The following AGMO variants were observed in gnomAD, a reference collection of about 807,000 sequenced individuals.
AGMO encodes alkylglycerol monooxygenase, also known as glyceryl-ether monooxygenase.
A neutral mutation model predicts 60.2 loss-of-function variants in AGMO; 75 were observed. The ratio of observed to expected loss-of-function variants is 1.25; its 90% CI spans 1.03 to 1.51. The LOEUF is 1.51. Ranked by LOEUF, AGMO falls within the 40% of genes most tolerant of loss-of-function variation. The pLI is 0.00. For synonymous variants in AGMO, 261 were observed against 177.1 expected (o/e 1.47, Z -3.76); for missense variants, 763 against 525.5 (o/e 1.45, Z -4.42).
chr7:15,246,256 C>T (rs1334342999), intron 12 of AGMO, among the ~76,000 whole-genome samples: 1 of 152,150 alleles, frequency 6.6e-6, no homozygotes, highest in Non-Finnish European at 1.5e-5. Context: ...TTTTTCCAAA[C>T]TGAATAGGCT....
chr7:15,370,757 C>G lies in AGMO; in HGVS notation c.1075-4535G>C, dbSNP rs112705569. Among the ~76,000 whole-genome samples the G allele has an allele frequency of 1.3e-4, 19 of 151,920 alleles. 2 individuals are homozygous for G. The highest frequency in any genetic ancestry group is 3.4e-4 in the African/African-American group (14 of 41,446). On this transcript the variant is annotated intron_variant, in intron 10 of 12. Transcript: ENST00000342526. ...GGCTATTTGTTTTTTTCTTGTTGAT[C>G]TGGTTAAGTTCCTTATAGATTTTGC...
intron 12 of AGMO, among the ~76,000 whole-genome samples, chr7:15,212,754 C>T (rs1465203750): frequency 6.6e-6 from 1 of 151,820 alleles, no homozygotes; most frequent in Non-Finnish European, 1.5e-5. Flanking sequence ...GGGATACAAA[C>T]GAAGTCAATT....
intron 5 of AGMO, among the ~76,000 whole-genome samples, chr7:15,395,818 C>CT (rs1259270646): frequency 1.3e-5 from 2 of 152,284 alleles, no homozygotes; most frequent in South Asian, 4.1e-4. Context: ...ATACAAAACT[C>CT]TTTATCTAGG....
Position 15,365,540 on chromosome 7 carries a change from C to T in AGMO, c.1237G>A (p.Val413Ile). The T allele has an allele frequency of 6.2e-7, 1 of 1,612,678 alleles. No individual in the cohort carries two copies. The highest frequency in any genetic ancestry group is 8.5e-7 in the Non-Finnish European group (1 of 1,179,028). ...TCAAAAGCAGATGACAATGAAGGGA[C>T]AAGAGGCTTCAGGTGACCAAATCGG... Reference protein sequence around the residue: ...LYRFGHLKPLVPSLSSAFEIV... With the variant: ...LYRFGHLKPLIPSLSSAFEIV... Residue 413 changes from valine to isoleucine, a missense_variant, in exon 12 of 13, where the codon GTC (valine) becomes ATC (isoleucine). Coordinates refer to ENST00000342526, the MANE Select transcript of AGMO (RefSeq NM_001004320.2).
intron 12 of AGMO, among the ~76,000 whole-genome samples, chr7:15,236,279 A>T (rs1427504284): frequency 3.3e-5 from 5 of 152,156 alleles, no homozygotes; most frequent in African/African-American, 1.2e-4. Flanking sequence ...TTATATAGTA[A>T]GATACCATTT....
At chr7:15,373,496 G>A (rs1407200400) in intron 10 of AGMO, among the ~76,000 whole-genome samples, 2 of 151,960 alleles carry the variant, frequency 1.3e-5, no homozygotes, top group Non-Finnish European at 2.9e-5. Context: ...TGAATGTGTG[G>A]GAATTCTTCT....
intron 12 of AGMO, among the ~76,000 whole-genome samples, chr7:15,233,900 A>G (rs991969454): frequency 5.9e-5 from 9 of 152,158 alleles, no homozygotes; most frequent in African/African-American, 2.2e-4. Context: ...TACAAAAATT[A>G]GCTGGGCGTG....
the AGMO span, among the ~76,000 whole-genome samples, chr7:15,138,285 T>A: frequency 1.3e-5 from 2 of 152,188 alleles, no homozygotes; most frequent in Admixed American, 1.3e-4. Context: ...CTTCGTGCAA[T>A]TGAAGTTAGA....
intron 12 of AGMO, among the ~76,000 whole-genome samples, chr7:15,353,451 G>A (rs1458147268): frequency 6.6e-6 from 1 of 152,212 alleles, no homozygotes. Flanking sequence ...CAACATGTTT[G>A]CTCTTAGTTG....
intron 3 of AGMO, among the ~76,000 whole-genome samples, chr7:15,531,097 ATATATATTCTATATATATTC>A (rs1562556668): frequency 2.3e-4 from 11 of 47,206 alleles, no homozygotes; most frequent in East Asian, 2.0e-3. Flanking sequence ...TATATATTCT[ATATATATTCTATATATATTC>A]TATATATATT....
In AGMO at chr7:15,445,658, G is replaced by A. The variant is rs531070798; in HGVS notation, c.410-14550C>T. Among the ~76,000 whole-genome samples, 15 of 152,230 alleles carry A rather than the reference G, an allele frequency of 9.9e-5. No homozygotes were observed. The South Asian group carries it at 3.1e-3, about 32-fold the overall frequency. On this transcript the variant is annotated intron_variant, in intron 3 of 12. Coordinates refer to ENST00000342526, the MANE Select transcript of AGMO (RefSeq NM_001004320.2). ...TGATATATTACTCTTATTAGTCATAGTTTCTCTTCAGAAACATCAAACATA... is the reference window on the plus strand; with the variant it reads ...TGATATATTACTCTTATTAGTCATAATTTCTCTTCAGAAACATCAAACATA...
At chr7:15,496,679 G>A (rs1474313186) in intron 3 of AGMO, among the ~76,000 whole-genome samples, 5 of 152,114 alleles carry the variant, frequency 3.3e-5, no homozygotes, top group African/African-American at 1.2e-4. Context: ...GGTTATGTGA[G>A]TGTTTTTATG....
the AGMO span, among the ~76,000 whole-genome samples, chr7:15,137,527 T>C: frequency 2.6e-5 from 4 of 152,296 alleles, no homozygotes; most frequent in Non-Finnish European, 2.9e-5. Context: ...GAGGGCTTGA[T>C]AGGAATCCTG....
chr7:15,274,657 T>C (rs1783725682), intron 12 of AGMO, among the ~76,000 whole-genome samples: 1 of 152,004 alleles, frequency 6.6e-6, no homozygotes, highest in South Asian at 2.1e-4. Context: ...CTTTGTACAT[T>C]TGGTAGAAGT....
the AGMO span, among the ~76,000 whole-genome samples, chr7:15,137,641 AT>A: frequency 2.0e-5 from 3 of 152,138 alleles, no homozygotes; most frequent in Non-Finnish European, 4.4e-5. Context: ...GGATGGGTTG[AT>A]TTTTTTCATG....
At chr7:15,174,721 C>T in the AGMO span, among the ~76,000 whole-genome samples, 1 of 151,412 alleles carries the variant, frequency 6.6e-6, no homozygotes, top group Non-Finnish European at 1.5e-5. Flanking sequence ...GCATACATGC[C>T]TTACTGGGCA....
intron 3 of AGMO, among the ~76,000 whole-genome samples, chr7:15,508,718 T>C (rs892038893): frequency 6.6e-6 from 1 of 151,950 alleles, no homozygotes; most frequent in African/African-American, 2.4e-5. Context: ...CTGTACTAGC[T>C]TTAACTTCGT....
In AGMO at chr7:15,203,046, G is replaced by T. The variant is rs1207720359; in HGVS notation, c.1264-1687C>A. ...ATACATACCTTGTGTTGTGCAGGGT[G>T]CTGGAATCTAAGCTATATTTGGCAC... On this transcript the variant is annotated intron_variant, in intron 12 of 12. Transcript: ENST00000342526. Among the ~76,000 whole-genome samples, 3 of 152,098 alleles carry T rather than the reference G, an allele frequency of 2.0e-5. No homozygotes were observed. In the East Asian group the frequency reaches 5.8e-4, roughly 29 times the overall value.
intron 12 of AGMO, among the ~76,000 whole-genome samples, chr7:15,354,303 C>T (rs62450355): frequency 0.012 from 898 of 75,842 alleles, 49 homozygotes; most frequent in Middle Eastern, 0.023. Flanking sequence ...AATATATATA[C>T]GTGTATACAC....
Sources: allele counts gnomAD v4.1 joint callset (sites outside exome capture counted in the v4.1 genomes callset), GRCh38; gene constraint gnomAD v4.1.1; transcripts MANE v1.5; gene names NCBI Gene and HGNC (gene_info 2026-07-23, HGNC 2026-07-21).